OPHN1: variants seen among roughly 807,000 people sequenced by gnomAD.
OPHN1 encodes oligophrenin 1.
A neutral mutation model predicts 60.7 loss-of-function variants in OPHN1; 11 were observed. That is an observed-to-expected ratio of 0.18 (90% confidence interval 0.11 to 0.30). OPHN1 has a LOEUF of 0.30. Among genes scored for constraint, OPHN1 ranks in the 10% least tolerant of loss-of-function variants. The probability of loss-of-function intolerance (pLI) is 1.00; values close to 1 mark genes in which losing one functional copy is unlikely to be tolerated. For missense variants in OPHN1, 449 were observed against 611.0 expected (o/e 0.73, Z 2.80); for synonymous variants, 226 against 222.6 (o/e 1.02, Z -0.14).
At chrX:68,139,932 T>C (rs1300931007) in intron 15 of OPHN1, among the ~76,000 whole-genome samples, 1 of 112,138 alleles carries the variant, frequency 8.9e-6, no homozygotes, top group Non-Finnish European at 1.9e-5. Flanking sequence ...CACTGTAGGC[T>C]TGAGCAAGTG....
intron 2 of OPHN1, among the ~76,000 whole-genome samples, chrX:68,315,949 A>G (rs778705258): frequency 9.0e-6 from 1 of 111,436 alleles, no homozygotes; most frequent in African/African-American, 3.3e-5. Flanking sequence ...CATGGATTAG[A>G]AGACTTAATA....
intron 15 of OPHN1, among the ~76,000 whole-genome samples, chrX:68,191,077 T>A (rs2077486000): frequency 9.0e-6 from 1 of 111,715 alleles, no homozygotes; most frequent in South Asian, 3.8e-4. Context: ...CCAAAAAATA[T>A]GTATTTTATC....
intron 2 of OPHN1, among the ~76,000 whole-genome samples, chrX:68,351,447 AAAT>A (rs2078410202): frequency 8.9e-6 from 1 of 111,741 alleles, no homozygotes; most frequent in African/African-American, 3.3e-5. Flanking sequence ...CCCCAGTTTA[AAAT>A]ATTCCATCTC....
At chrX:68,107,411 T>C (rs764508164) in intron 18 of OPHN1, among the ~76,000 whole-genome samples, 9 of 111,979 alleles carry the variant, frequency 8.0e-5, no homozygotes, top group African/African-American at 2.9e-4. Flanking sequence ...TCCTGCAAAT[T>C]GGAAAGAATT....
At chrX:68,417,426 C>T (rs773062819) in intron 2 of OPHN1, among the ~76,000 whole-genome samples, 5 of 112,090 alleles carry the variant, frequency 4.5e-5, no homozygotes, top group Non-Finnish European at 9.4e-5. Context: ...CTCTCTTCTG[C>T]CCAGGACTTC....
At chrX:68,197,342 T>A in intron 11 of OPHN1, 78 bp from the exon 12 acceptor site, 1 of 758,553 alleles carries the variant, frequency 1.3e-6, no homozygotes, top group Admixed American at 2.4e-5. Context: ...AGGGTCCCTC[T>A]CTGCCCTGGA....
chrX:68,202,140 G>T (rs2077537812), intron 10 of OPHN1, among the ~76,000 whole-genome samples: 1 of 111,799 alleles, frequency 8.9e-6, no homozygotes, highest in Admixed American at 9.5e-5. Flanking sequence ...GGGTAGCTGA[G>T]CAAAGAAGCT....
intron 2 of OPHN1, among the ~76,000 whole-genome samples, chrX:68,307,467 A>C (rs2078151627): frequency 9.2e-6 from 1 of 109,159 alleles, no homozygotes; most frequent in African/African-American, 3.4e-5. Context: ...ACAAAAAAAA[A>C]AAAAAAGGAA....
intron 2 of OPHN1, among the ~76,000 whole-genome samples, chrX:68,386,264 C>T (rs971426339): frequency 1.8e-5 from 2 of 111,088 alleles, no homozygotes; most frequent in Non-Finnish European, 3.8e-5. Flanking sequence ...TGAGAGAAGA[C>T]GGGCCAACAT....
At chrX:68,053,947 TA>T in intron 21 of OPHN1, 137 bp from the exon 22 acceptor site, 2 of 538,477 alleles carry the variant, frequency 3.7e-6, no homozygotes, top group Non-Finnish European at 2.8e-6. Flanking sequence ...CAACTCTGGC[TA>T]TTTTTTTTTT....
chrX:68,409,468 C>T (rs755288701), intron 2 of OPHN1, among the ~76,000 whole-genome samples: 27 of 111,550 alleles, frequency 2.4e-4, no homozygotes, highest in Admixed American at 7.7e-4. Flanking sequence ...ATAAACTTTG[C>T]AGACCAAAAT....
intron 3 of OPHN1, among the ~76,000 whole-genome samples, chrX:68,284,469 G>A (rs1266631064): frequency 1.8e-5 from 2 of 110,633 alleles, no homozygotes; most frequent in Middle Eastern, 4.7e-3. Flanking sequence ...TTCCTATACA[G>A]CCTGCAGAAC....
chrX:68,379,491 C>G (rs989393575), intron 2 of OPHN1, among the ~76,000 whole-genome samples: 1 of 104,447 alleles, frequency 9.6e-6, no homozygotes, highest in African/African-American at 3.5e-5. Context: ...TGAGAGAGGG[C>G]ATCCCTGTCT....
At chrX:68,205,110 G>A (rs192662359) in intron 10 of OPHN1, among the ~76,000 whole-genome samples, 3 of 111,405 alleles carry the variant, frequency 2.7e-5, no homozygotes, top group East Asian at 5.7e-4. Context: ...GGCAACTGGC[G>A]GACTGGAAAC....
chrX:68,363,819 C>A (rs2078485615), intron 2 of OPHN1, among the ~76,000 whole-genome samples: 1 of 110,527 alleles, frequency 9.0e-6, no homozygotes, highest in Admixed American at 9.8e-5. Flanking sequence ...TTAAAATACT[C>A]CAGAAGAAAA....
chrX:68,393,934 T>C (rs370485093), intron 2 of OPHN1, among the ~76,000 whole-genome samples: 17 of 71,434 alleles, frequency 2.4e-4, no homozygotes, highest in Non-Finnish European at 3.5e-4. Context: ...CTCGCTCTGT[T>C]GCCCAGGCTG....
chrX:68,056,320 A>G (rs764721544), intron 21 of OPHN1, among the ~76,000 whole-genome samples: 22 of 111,447 alleles, frequency 2.0e-4, no homozygotes, highest in Non-Finnish European at 3.8e-4. Flanking sequence ...CCTAGTAGGT[A>G]TATGTAATTC....
chrX:68,068,515 A>C (rs944055477), intron 20 of OPHN1, among the ~76,000 whole-genome samples: 8 of 106,614 alleles, frequency 7.5e-5, no homozygotes, highest in Non-Finnish European at 1.2e-4. Flanking sequence ...TTTGGAAAAC[A>C]GCCTGGCAAT....
chrX:68,251,453 C>T lies in OPHN1; in HGVS notation c.385-16865G>A, dbSNP rs1371993695. On this transcript the variant is annotated intron_variant, in intron 5 of 24. Transcript: ENST00000355520. ...CCTGCCTTGGCCTCCCAAAGTGCTGCGATTACAGGCGAGAGCCACCGCACC... is the reference window on the plus strand; with the variant it reads ...CCTGCCTTGGCCTCCCAAAGTGCTGTGATTACAGGCGAGAGCCACCGCACC... Among the ~76,000 whole-genome samples the T allele has an allele frequency of 6.4e-5, 7 of 108,776 alleles. No individual in the cohort carries two copies. The East Asian group carries it at 8.9e-4, about 14-fold the overall frequency. 94.5% of individuals were successfully genotyped at this position (108,776 alleles called of 115,157 possible).
Sources: gnomAD v4.1 joint callset for allele counts (sites outside exome capture counted in the v4.1 genomes callset) on GRCh38, gnomAD v4.1.1 for gene constraint, MANE v1.5 for transcripts, NCBI Gene and HGNC (gene_info 2026-07-23, HGNC 2026-07-21) for gene names.